The following UBAP2L variants were observed in gnomAD, a reference collection of about 807,000 sequenced individuals.
UBAP2L encodes the protein ubiquitin associated protein 2 like, also known as ubiquitin-associated protein 2-like.
Under a neutral mutation model 130.6 loss-of-function variants are expected in UBAP2L, and 12 were observed. The observed-to-expected ratio is 0.09, with a 90% CI of 0.06 to 0.15. The LOEUF is 0.15. UBAP2L is among the 10% of genes least tolerant of loss of function. The probability of loss-of-function intolerance (pLI) is 1.00; values close to 1 mark genes in which losing one functional copy is unlikely to be tolerated. For synonymous variants in UBAP2L, 503 were observed against 524.7 expected (o/e 0.96, Z 0.57); for missense variants, 965 against 1,332.5 (o/e 0.72, Z 4.29).
chr1:154,259,850 A>G (rs1216306345), intron 21 of UBAP2L, 98 bp from the exon 22 acceptor site: 2 of 1,281,750 alleles, frequency 1.6e-6, no homozygotes, highest in Non-Finnish European at 2.3e-6. Context: ...TAAATTGCAC[A>G]ACTCTCACAT....
intron 12 of UBAP2L, among the ~76,000 whole-genome samples, chr1:154,249,791 A>T (rs1420522534): frequency 6.6e-6 from 1 of 151,200 alleles, no homozygotes; most frequent in Non-Finnish European, 1.5e-5. Flanking sequence ...GTTTTCAATT[A>T]GCTGAGTGCG....
rs1179217902 is a variant in UBAP2L at position 154,270,406 on chromosome 1, C to T, written c.*111C>T. 2.6e-6 allele frequency: 4 copies of T among 1,537,978 alleles called. No individual in the cohort carries two copies. The highest frequency in any genetic ancestry group is 2.0e-5 in the Admixed American group (1 of 50,964). The stretch of plus-strand genomic sequence containing the variant: ...TGTGGGGGGTTTCCGCTGCCCCCCA[C>T]CCCCAGCGGCCCACCCCATGCCTCA... On this transcript the variant is annotated 3_prime_UTR_variant, in exon 27 of 27. Transcript: ENST00000428931.
In UBAP2L at chr1:154,228,743, T is replaced by A. The variant is rs1358134573; in HGVS notation, c.279+18T>A. ...CAGACACGGTAGAGTGCTTATAGAG[T>A]GTTCTAGGACATGGGTCCTCAATTG... is the stretch of plus-strand genomic sequence containing the variant. On this transcript the variant is annotated intron_variant, in intron 4 of 26. Coordinates refer to ENST00000428931, the MANE Select transcript of UBAP2L (RefSeq NM_014847.4). The A allele has an allele frequency of 6.3e-7, 1 of 1,587,748 alleles. No homozygotes were observed. The highest frequency in any genetic ancestry group is 1.7e-5 in the Admixed American group (1 of 59,446).
chr1:154,232,536 T>G (rs951531172), intron 4 of UBAP2L, among the ~76,000 whole-genome samples: 4 of 152,158 alleles, frequency 2.6e-5, no homozygotes, highest in African/African-American at 4.8e-5. Flanking sequence ...CAGTTAGGAA[T>G]GTATCATAGA....
At chr1:154,241,713 A>T (rs1265931350) in intron 9 of UBAP2L, 148 bp downstream of exon 9, 30 of 1,446,972 alleles carry the variant, frequency 2.1e-5, no homozygotes, top group Non-Finnish European at 2.7e-5. Context: ...TCTGAGCCAG[A>T]ACATTTCACA....
At chr1:154,266,404 G>T in intron 24 of UBAP2L, 97 bp from the exon 25 acceptor site, 3 of 1,305,392 alleles carry the variant, frequency 2.3e-6, no homozygotes, top group Non-Finnish European at 3.3e-6. Flanking sequence ...CCCTTGCATT[G>T]GTATAGCTAG....
chr1:154,266,091 C>T (rs578211153), intron 24 of UBAP2L, among the ~76,000 whole-genome samples: 6 of 152,246 alleles, frequency 3.9e-5, no homozygotes, highest in Admixed American at 2.6e-4. Flanking sequence ...AGAGAGAGGG[C>T]CAGACTGCCC....
At position 154,261,631 on chromosome 1, in the gene UBAP2L, A is replaced by G. The variant is rs1000937912; in HGVS notation, c.2836A>G (p.Ser946Gly). The G allele has an allele frequency of 4.3e-6, 7 of 1,614,110 alleles. No homozygotes were observed. The highest frequency in any genetic ancestry group is 1.6e-4 in the Middle Eastern group (1 of 6,062). The change falls in exon 24 of 27, where the codon AGT (serine) becomes GGT (glycine). Residue 946 changes from serine to glycine, a missense_variant. Around this residue, in one of 9 missense-constraint regions of UBAP2L, gnomAD observed 194 missense variants for 334.0 expected, o/e 0.58. Coordinates refer to ENST00000428931, the MANE Select transcript of UBAP2L (RefSeq NM_014847.4). ...TSSKQHGVNV[S>G]VNASATPFQQ... ...TTCCAAGCAGCATGGTGTGAATGTC[A>G]GTGTGAATGCATCGGCCACCCCTTT... is the stretch of plus-strand genomic sequence containing the variant.
chr1:154,225,041 T>C lies in UBAP2L; in HGVS notation c.-40-43T>C, dbSNP rs1667486060. The C allele has an allele frequency of 2.2e-6, 3 of 1,385,352 alleles. No homozygotes were observed. The Admixed American group carries it at 5.5e-5, about 26-fold the overall frequency. 85.8% of individuals were successfully genotyped at this position (1,385,352 alleles called of 1,614,324 possible). A position where few individuals can be genotyped will look rare whatever the true frequency, so the allele number is the denominator to read the frequency against. ...TGCTGATGAGAGAGTTAAAAACATA[T>C]TTTGCCCACATTTAATACCTAATTT... On this transcript the variant is annotated intron_variant, in intron 1 of 26. Transcript: ENST00000428931.
chr1:154,261,965 G>A (rs550584967), intron 24 of UBAP2L, among the ~76,000 whole-genome samples: 2 of 152,290 alleles, frequency 1.3e-5, no homozygotes, highest in East Asian at 1.9e-4. Context: ...CAAAAGTGTG[G>A]GTGGAAGTAG....
At chr1:154,261,193 T>G in intron 23 of UBAP2L, 84 bp downstream of exon 23, 1 of 1,411,412 alleles carries the variant, frequency 7.1e-7, no homozygotes, top group Non-Finnish European at 9.6e-7. Context: ...GGTCAATGAC[T>G]TTAATAATGG....
chr1:154,220,695 G>A (rs1665596343), upstream of UBAP2L: 1 of 464,960 alleles, frequency 2.2e-6, no homozygotes. Flanking sequence ...AGGAAGCGGC[G>A]GCCATCCGTG....
chr1:154,229,098 T>C (rs950556239), intron 4 of UBAP2L, among the ~76,000 whole-genome samples: 2 of 151,298 alleles, frequency 1.3e-5, no homozygotes, highest in Admixed American at 6.6e-5. Flanking sequence ...GATTCTGTTT[T>C]TTTTTCTTTT....
chr1:154,255,684 A>G lies in UBAP2L; in HGVS notation c.2086A>G (p.Thr696Ala), dbSNP rs749647397. ...TGGCAGCCTCTTTTTTTCTGACAGC[A>G]CGTTATCTACGCAGCAGAATACCCT... ...PNTTTTQHSS[T>A]LSTQQNTLSS... Residue 696 changes from threonine to alanine, a missense_variant and splice_region_variant, in exon 18 of 27, where the codon ACG (threonine) becomes GCG (alanine). By Grantham distance (58) the Thr-to-Ala change is moderately conservative (BLOSUM62 0). Coordinates refer to ENST00000428931, the MANE Select transcript of UBAP2L (RefSeq NM_014847.4). 1.2e-5 allele frequency: 20 copies of G among 1,613,984 alleles called. No homozygotes were observed. In the East Asian group the frequency reaches 4.5e-4, roughly 36 times the overall value.
chr1:154,235,378 G>T (rs183351570), intron 6 of UBAP2L, 87 bp downstream of exon 6: 277 of 628,306 alleles, frequency 4.4e-4, no homozygotes, highest in Non-Finnish European at 7.1e-4. Context: ...TTTATTGGAG[G>T]TAGTCTCACT....
At chr1:154,259,678 T>C in intron 21 of UBAP2L, 1 of 554,800 alleles carries the variant, frequency 1.8e-6, no homozygotes, top group East Asian at 3.3e-5. Context: ...GGATGACACC[T>C]AGAGGGTTGA....
chr1:154,229,110 A>C (rs534377499), intron 4 of UBAP2L, among the ~76,000 whole-genome samples: 100 of 150,220 alleles, frequency 6.7e-4, no homozygotes, highest in African/African-American at 2.1e-3. Context: ...TTTTCTTTTT[A>C]TTTTATTTTA....
At chr1:154,235,612 C>T (rs758640832) in intron 6 of UBAP2L, among the ~76,000 whole-genome samples, 5 of 152,162 alleles carry the variant, frequency 3.3e-5, no homozygotes, top group Middle Eastern at 3.4e-3. Context: ...CGGGTTCAAG[C>T]GATTCTTCTG....
At chr1:154,270,911 G>A (rs1270961464), downstream of UBAP2L, 1 of 1,550,230 alleles carries the variant, frequency 6.5e-7, no homozygotes, top group African/African-American at 1.4e-5. Flanking sequence ...TGACCAGCTT[G>A]GTGAATAAGT....
Sources: gnomAD v4.1 joint callset for allele counts (sites outside exome capture counted in the v4.1 genomes callset) on GRCh38, gnomAD v4.1.1 for gene constraint, gnomAD v4.1.1 regional missense constraint, MANE v1.5 for transcripts, NCBI Gene and HGNC (gene_info 2026-07-23, HGNC 2026-07-21) for gene names.